The following SCN1A variants were observed in gnomAD, a reference collection of about 807,000 sequenced individuals.
The protein encoded by SCN1A is sodium channel protein type 1 subunit alpha.
SCN1A carries 13 observed loss-of-function variants against 193.7 expected under a neutral mutation model. The observed-to-expected ratio is 0.07, with a 90% CI of 0.04 to 0.11. SCN1A has a LOEUF of 0.11. Ranked by LOEUF, SCN1A falls within the 10% of genes least tolerant of loss-of-function variation. The pLI, the probability that SCN1A is intolerant of heterozygous loss-of-function variation, is 1.00. For synonymous variants in SCN1A, 781 were observed against 843.6 expected, an observed-to-expected ratio of 0.93 and a Z score of 1.29; for missense variants, 1,432 against 2,451.1, an observed-to-expected ratio of 0.58 and a Z score of 8.78.
chr2:166,089,171 C>A (rs1036143675), intron 2 of SCN1A, among the ~76,000 whole-genome samples: 2 of 152,080 alleles, frequency 1.3e-5, no homozygotes, highest in African/African-American at 2.4e-5. Context: ...TAGGCCCCCA[C>A]CCCTCGATAG....
intron 5 of SCN1A, among the ~76,000 whole-genome samples, chr2:166,058,058 A>G (rs1364707776): frequency 6.6e-6 from 1 of 152,122 alleles, no homozygotes; most frequent in Non-Finnish European, 1.5e-5. Context: ...AAAAATCATC[A>G]GGAAATTTCA....
intron 9 of SCN1A, among the ~76,000 whole-genome samples, chr2:166,049,658 C>CT (rs1470132552): frequency 6.6e-6 from 1 of 151,946 alleles, no homozygotes; most frequent in African/African-American, 2.4e-5. Context: ...TCTTCTATAA[C>CT]TTTTTCCTTG....
intron 23 of SCN1A, among the ~76,000 whole-genome samples, chr2:166,005,460 G>A (rs1425148251): frequency 2.0e-5 from 3 of 151,296 alleles, no homozygotes; most frequent in Admixed American, 6.6e-5. Flanking sequence ...AATTTATGAC[G>A]CAAGCATGTA....
chr2:166,012,238 C>T lies in SCN1A; in HGVS notation c.3750G>A (p.Thr1250=), dbSNP rs771494149. 5.6e-6 allele frequency: 9 copies of T among 1,609,706 alleles called. No individual in the cohort carries two copies. The highest frequency in any genetic ancestry group is 1.7e-4 in the Middle Eastern group (1 of 6,032). The change falls in exon 22 of 29, where the codon ACG becomes ACA. Residue 1250 remains threonine, a synonymous_variant. Transcript: ENST00000674923. The stretch of plus-strand genomic sequence containing the variant: ...AAACCTTGTCAGCATATTCCAACAT[C>T]GTCTTAATCGTCTTTCGCTGATCAA... ...IYIDQRKTIK[T]MLEYADKVFT...
intron 2 of SCN1A, among the ~76,000 whole-genome samples, chr2:166,093,801 C>T (rs1190516087): frequency 6.6e-6 from 1 of 152,140 alleles, no homozygotes; most frequent in Non-Finnish European, 1.5e-5. Context: ...GGAGGTTCAG[C>T]AAAGTTAAAT....
intron 4 of SCN1A, 144 bp downstream of exon 4, chr2:166,073,214 A>AT: frequency 1.0e-6 from 1 of 958,954 alleles, no homozygotes; most frequent in Non-Finnish European, 1.6e-6. Context: ...ATGTATATGC[A>AT]TAAACCACCC....
At position 166,120,607 on chromosome 2, in the gene SCN1A, T is replaced by A. The variant is rs1293895856; in HGVS notation, c.-142+6317A>T. ...CTTTTTTCTTTTCTCTTTTTTTTTT[T>A]TTTTTTTTTTTTTTTTTGAGACAGA... On this transcript the variant is annotated intron_variant, in intron 2 of 28. Coordinates refer to ENST00000674923, the MANE Select transcript of SCN1A (RefSeq NM_001165963.4). Among the ~76,000 whole-genome samples, 344 of 121,944 alleles carry A rather than the reference T, an allele frequency of 2.8e-3. 2 individuals carry two copies. The highest frequency in any genetic ancestry group is 0.011 in the African/African-American group (329 of 30,444). 80.0% of individuals were successfully genotyped at this position (121,944 alleles called of 152,430 possible).
At chr2:166,090,404 G>A (rs1686669295) in intron 2 of SCN1A, among the ~76,000 whole-genome samples, 1 of 152,098 alleles carries the variant, frequency 6.6e-6, no homozygotes, top group South Asian at 2.1e-4. Flanking sequence ...AAAGAGAAGA[G>A]TACTCTTAAG....
intron 19 of SCN1A, among the ~76,000 whole-genome samples, chr2:166,018,184 G>C (rs1437901841): frequency 6.6e-6 from 1 of 151,798 alleles, no homozygotes; most frequent in Non-Finnish European, 1.5e-5. Flanking sequence ...AACTAGTTTT[G>C]CTTTTTTGCC....
chr2:166,044,162 G>A lies in SCN1A; in HGVS notation c.1663-113C>T. 6.0e-6 allele frequency: 7 copies of A among 1,173,036 alleles called. No homozygotes were observed. The South Asian group carries it at 8.3e-5, about 14-fold the overall frequency. 72.7% of individuals were successfully genotyped at this position (1,173,036 alleles called of 1,614,324 possible). On this transcript the variant is annotated intron_variant, in intron 13 of 28. Coordinates refer to ENST00000674923, the MANE Select transcript of SCN1A (RefSeq NM_001165963.4). ...ATTTCAGCATTCATAACAGAATATG[G>A]TTCATTCCTTTTGATTATCATTCTC...
chr2:166,113,999 A>G lies in SCN1A; in HGVS notation c.-142+12925T>C, dbSNP rs149874310. On this transcript the variant is annotated intron_variant, in intron 2 of 28. Coordinates refer to ENST00000674923, the MANE Select transcript of SCN1A (RefSeq NM_001165963.4). The stretch of plus-strand genomic sequence containing the variant: ...TAATAATTCTCTTTCTTAGATAATA[A>G]CAAACCTGTAACTATTCATATTTGA... Among the ~76,000 whole-genome samples the G allele has an allele frequency of 1.0e-2, 1,518 of 152,290 alleles. 22 individuals carry two copies. Among genetic ancestry groups the G allele is most frequent in the African/African-American group, 0.035 (1,448 of 41,566 alleles).
rs6147014 is a variant in SCN1A at position 166,039,198 on chromosome 2, CTGAG to C, written c.2589+221_2589+224del. ...AAGCAATACTTAGTGAAAATAGCAA[CTGAG>C]TAATACGTTAACTTTTACGTAACTA... On this transcript the variant is annotated intron_variant, in intron 17 of 28. Coordinates refer to ENST00000674923, the MANE Select transcript of SCN1A (RefSeq NM_001165963.4). Among the ~76,000 whole-genome samples, 27,393 of 151,946 alleles carry C rather than the reference CTGAG, an allele frequency of 0.18. 2,773 individuals carry two copies. Among genetic ancestry groups the C allele is most frequent in the East Asian group, 0.33 (1,700 of 5,156 alleles).
intron 1 of SCN1A, among the ~76,000 whole-genome samples, chr2:166,139,748 C>T (rs1454743116): frequency 3.3e-5 from 5 of 152,042 alleles, no homozygotes; most frequent in East Asian, 3.9e-4. Context: ...AAAACCATCT[C>T]GTGAGACTTA....
At chr2:166,093,615 T>A (rs1363592314) in intron 2 of SCN1A, among the ~76,000 whole-genome samples, 1 of 152,194 alleles carries the variant, frequency 6.6e-6, no homozygotes, top group Non-Finnish European at 1.5e-5. Flanking sequence ...AGTGCTGGGA[T>A]TACAGGCGTG....
chr2:166,125,403 A>C (rs1057088841), intron 2 of SCN1A, among the ~76,000 whole-genome samples: 5 of 152,192 alleles, frequency 3.3e-5, no homozygotes, highest in Admixed American at 3.3e-4. Flanking sequence ...CAAGGTCCCC[A>C]GGCTAAATTT....
chr2:166,112,364 A>G (rs1559352041), intron 2 of SCN1A, among the ~76,000 whole-genome samples: 1 of 152,204 alleles, frequency 6.6e-6, no homozygotes, highest in South Asian at 2.1e-4. Flanking sequence ...TTTAGCAATA[A>G]AGCATTTTTA....
chr2:165,992,500 A>G lies in SCN1A; in HGVS notation c.4853-78T>C. On this transcript the variant is annotated intron_variant, in intron 28 of 28. Coordinates refer to ENST00000674923, the MANE Select transcript of SCN1A (RefSeq NM_001165963.4). This position sits in a 1 kb window ranked among gnomAD's most constrained non-coding sequence, Gnocchi z 6.5. ...AAACATATGTTTCTTCTAAAGCTCCAAGGTAAGGTTCAGAGTCCTGAACCC... is the reference window on the plus strand; with the variant it reads ...AAACATATGTTTCTTCTAAAGCTCCGAGGTAAGGTTCAGAGTCCTGAACCC... 6.4e-7 allele frequency: 1 copy of G among 1,552,698 alleles called. No individual in the cohort carries two copies. Among genetic ancestry groups the G allele is most frequent in the East Asian group, 2.3e-5 (1 of 44,248 alleles).
At position 166,086,648 on chromosome 2, in the gene SCN1A, C is replaced by T. The variant is rs180890000; in HGVS notation, c.-141-8847G>A. On this transcript the variant is annotated intron_variant, in intron 2 of 28. Transcript: ENST00000674923. ...CCCAACCTGTCAGAAGGTCACTCTGCAGGCTGCAGCCCTTTATAAGAAATA... is the reference window on the plus strand; with the variant it reads ...CCCAACCTGTCAGAAGGTCACTCTGTAGGCTGCAGCCCTTTATAAGAAATA... 1.6e-4 allele frequency among the ~76,000 whole-genome samples: 25 copies of T among 152,290 alleles called. No homozygotes were observed. The East Asian group carries it at 2.9e-3, about 18-fold the overall frequency.
At chr2:166,045,935 C>T (rs1697774843) in intron 12 of SCN1A, among the ~76,000 whole-genome samples, 1 of 152,154 alleles carries the variant, frequency 6.6e-6, no homozygotes. Flanking sequence ...ACTGTCCCCA[C>T]CATCTTCAAA....
Sources: gnomAD v4.1 joint callset for allele counts (sites outside exome capture counted in the v4.1 genomes callset) on GRCh38, gnomAD v4.1.1 for gene constraint, Gnocchi (gnomAD v3.1) non-coding constraint, MANE v1.5 for transcripts, NCBI Gene and HGNC (gene_info 2026-07-23, HGNC 2026-07-21) for gene names.